FHIP1B: variants seen among roughly 807,000 people sequenced by gnomAD.
FHIP1B encodes the protein FHF complex subunit HOOK interacting protein 1B.
FHIP1B carries 28 observed loss-of-function variants against 82.2 expected under a neutral mutation model. That is an observed-to-expected ratio of 0.34 (90% CI 0.25 to 0.47). The LOEUF (loss-of-function observed/expected upper bound fraction) is 0.47, where lower values mean the gene tolerates loss of function less well. Among genes scored for constraint, FHIP1B ranks in the 20% least tolerant of loss-of-function variants. FHIP1B has a pLI of 1.00. For synonymous variants in FHIP1B, 585 were observed against 516.1 expected, an observed-to-expected ratio of 1.13 and a Z score of -1.81; for missense variants, 1,110 against 1,262.6, an observed-to-expected ratio of 0.88 and a Z score of 1.83.
intron 8 of FHIP1B, 98 bp from the exon 9 acceptor site, chr11:6,218,248 C>T: frequency 2.8e-6 from 4 of 1,448,074 alleles, no homozygotes; most frequent in Non-Finnish European, 3.6e-6. Context: ...AATGGGGAGG[C>T]AGAAACATGG....
Position 6,223,490 on chromosome 11 carries a change from C to T in FHIP1B, c.777+120G>A, listed in dbSNP as rs990538398. 9 of 1,335,192 alleles carry T rather than the reference C, an allele frequency of 6.7e-6. No individual in the cohort carries two copies. Among genetic ancestry groups the T allele is most frequent in the Non-Finnish European group, 7.2e-6 (7 of 973,102 alleles). 82.7% of individuals were successfully genotyped at this position (1,335,192 alleles called of 1,614,324 possible). ...AACTCCAGGGGGCTGCTTTCAAATC[C>T]AGGAACTGTTTCCTAGGGGAACGGG... On this transcript the variant is annotated intron_variant, in intron 3 of 11. Transcript: ENST00000449352. This position sits in a 1 kb window ranked among gnomAD's most constrained non-coding sequence, Gnocchi z 4.8.
chr11:6,216,936 C>T (rs1823222772), intron 9 of FHIP1B: 2 of 617,058 alleles, frequency 3.2e-6, no homozygotes, highest in African/African-American at 1.8e-5. Context: ...AAACCCAAGA[C>T]CCAGACAGAT....
chr11:6,213,491 C>A (rs867546712), intron 11 of FHIP1B, among the ~76,000 whole-genome samples: 1 of 152,196 alleles, frequency 6.6e-6, no homozygotes, highest in Admixed American at 6.5e-5. Context: ...TAGGACCTTG[C>A]TCCTTCTGGT....
In FHIP1B at chr11:6,222,428, G is replaced by C; in HGVS notation, c.1191+14C>G. On this transcript the variant is annotated intron_variant, in intron 6 of 11. Transcript: ENST00000449352. ...GGTCATCCAGGTAAGCTAGGACAGG[G>C]GTAAGGGCCATACCCGGGAGTTACT... 1 of 1,613,274 alleles carries C rather than the reference G, an allele frequency of 6.2e-7. No homozygotes were observed. Among genetic ancestry groups the C allele is most frequent in the Non-Finnish European group, 8.5e-7 (1 of 1,179,910 alleles).
At chr11:6,225,980 A>C (rs539285996) in intron 1 of FHIP1B, among the ~76,000 whole-genome samples, 2 of 152,262 alleles carry the variant, frequency 1.3e-5, no homozygotes, top group East Asian at 3.9e-4. Context: ...TAGCTATTGG[A>C]GAAGGAACCA....
At chr11:6,219,074 G>A (rs764000906) in intron 6 of FHIP1B, 24 bp from the exon 7 acceptor site, 1 of 1,567,716 alleles carries the variant, frequency 6.4e-7, no homozygotes, top group Non-Finnish European at 8.7e-7. Context: ...GGGGAGGGAG[G>A]GAGTCACCAT....
In FHIP1B at chr11:6,217,593, A is replaced by G; in HGVS notation, c.1993T>C (p.Ser665Pro). ...EGAGELLEGISEGMAGLEGFG... is the reference protein window; with the variant it reads ...EGAGELLEGIPEGMAGLEGFG... ...CCCTCTAGTCCTGCCATGCCCTCGG[A>G]GATGCCCTCTAGCAGTTCCCCAGCT... The change falls in exon 9 of 12, where the codon TCC (serine) becomes CCC (proline). Residue 665 changes from serine to proline, a missense_variant. Physicochemically the swap from Ser to Pro is moderately conservative, Grantham distance 74. This residue lies in a region of FHIP1B where 418 missense variants were observed against 371.4 expected (regional missense o/e 1.13). Transcript: ENST00000449352. The G allele has an allele frequency of 6.2e-7, 1 of 1,613,098 alleles. No homozygotes were observed. Among genetic ancestry groups the G allele is most frequent in the Middle Eastern group, 1.7e-4 (1 of 6,060 alleles).
In FHIP1B at chr11:6,223,177, C is replaced by T; in HGVS notation, c.839G>A (p.Gly280Glu). Residue 280 changes from glycine to glutamate, a missense_variant, in exon 4 of 12, where the codon GGG (glycine) becomes GAG (glutamate). Physicochemically the swap from Gly to Glu is moderately conservative, Grantham distance 98 (BLOSUM62 -2). Around this residue, in one of 6 missense-constraint regions of FHIP1B, gnomAD observed 467 missense variants for 602.9 expected, o/e 0.77. Coordinates refer to ENST00000449352, the MANE Select transcript of FHIP1B (RefSeq NM_001098794.2). This position sits in a 1 kb window ranked among gnomAD's most constrained non-coding sequence, Gnocchi z 4.8. Reference protein sequence around the residue: ...SSLPRKIEVPGDDWHCLRRED... With the variant: ...SSLPRKIEVPEDDWHCLRRED... ...CCGTCGCAGACAGTGCCAATCATCC[C>T]CTGGAACCTCAATCTTTCGAGGCAG... 1 of 1,608,810 alleles carries T rather than the reference C, an allele frequency of 6.2e-7. No homozygotes were observed.
rs1242736544 is a variant in FHIP1B, at chr11:6,218,159, G to A, written c.1436-9C>T. On this transcript the variant is annotated splice_polypyrimidine_tract_variant and intron_variant, in intron 8 of 11. Transcript: ENST00000449352. ...ACTTGGGCTTCCAGGACCTGCAAAG[G>A]GAAAAAATATAAGAGAAATCAAGGA... 1.9e-6 allele frequency: 3 copies of A among 1,603,982 alleles called. No homozygotes were observed. The highest frequency in any genetic ancestry group is 2.2e-5 in the East Asian group (1 of 44,558).
At chr11:6,219,861 T>C (rs1847357157) in intron 6 of FHIP1B, among the ~76,000 whole-genome samples, 1 of 152,192 alleles carries the variant, frequency 6.6e-6, no homozygotes, top group Non-Finnish European at 1.5e-5. Context: ...TAGGCATTCA[T>C]TATTTGCTAC....
chr11:6,214,704 A>T, intron 10 of FHIP1B, 29 bp downstream of exon 10: 1 of 1,551,556 alleles, frequency 6.4e-7, no homozygotes, highest in Non-Finnish European at 8.7e-7. Context: ...CGGAGCCTGG[A>T]CGCACCCATG....
intron 10 of FHIP1B, 72 bp from the exon 11 acceptor site, chr11:6,214,645 C>A: frequency 6.4e-7 from 1 of 1,552,618 alleles, no homozygotes; most frequent in Non-Finnish European, 8.7e-7. Context: ...CCCACTGGGC[C>A]TGTTCCCAGC....
chr11:6,227,780 G>A (rs1478313938), intron 1 of FHIP1B, among the ~76,000 whole-genome samples: 2 of 152,130 alleles, frequency 1.3e-5, no homozygotes, highest in Non-Finnish European at 2.9e-5. Context: ...ACGTAGGAAA[G>A]TTAAAAAGGA....
chr11:6,233,144 C>A (rs1847743904), intron 1 of FHIP1B, among the ~76,000 whole-genome samples: 2 of 152,172 alleles, frequency 1.3e-5, no homozygotes, highest in Admixed American at 6.5e-5. Context: ...CAGAAAGAAG[C>A]AATGAGAATA....
rs373672418 is a variant in FHIP1B at position 6,222,838 on chromosome 11, C to A, written c.996G>T (p.Val332=). The change falls in exon 5 of 12, where the codon GTG becomes GTT. Residue 332 remains valine, a synonymous_variant. Transcript: ENST00000449352. ...TGTGCAAGGCAGGACCCATGACAGGCACCAGGAACCCATTATGGATATAAT... is the reference window on the plus strand; with the variant it reads ...TGTGCAAGGCAGGACCCATGACAGGAACCAGGAACCCATTATGGATATAAT... ...LVDYIHNGFL[V]PVMGPALHKT... 1.9e-6 allele frequency: 3 copies of A among 1,614,152 alleles called. No individual in the cohort carries two copies. The East Asian group carries it at 6.7e-5, about 36-fold the overall frequency.
chr11:6,226,902 T>C (rs1309835414), intron 1 of FHIP1B, among the ~76,000 whole-genome samples: 2 of 152,194 alleles, frequency 1.3e-5, no homozygotes, highest in Non-Finnish European at 2.9e-5. Flanking sequence ...CAGTGGACAA[T>C]TTATAAGAAG....
At chr11:6,230,054 G>A (rs539801859) in intron 1 of FHIP1B, among the ~76,000 whole-genome samples, 66 of 150,640 alleles carry the variant, frequency 4.4e-4, no homozygotes, top group African/African-American at 1.6e-3. Context: ...AAAGGGGAAC[G>A]AGCTGATCTC....
intron 9 of FHIP1B, among the ~76,000 whole-genome samples, chr11:6,215,638 T>C (rs1036193386): frequency 4.6e-5 from 7 of 152,158 alleles, no homozygotes; most frequent in East Asian, 1.9e-4. Context: ...ACAGAATATG[T>C]AGTAAAAGGA....
chr11:6,224,949 T>C (rs183903757), intron 1 of FHIP1B, among the ~76,000 whole-genome samples: 131 of 152,318 alleles, frequency 8.6e-4, no homozygotes, highest in African/African-American at 2.8e-3. Context: ...TGAAAATGTG[T>C]ACATTATCCT....
Sources: allele counts gnomAD v4.1 joint callset (sites outside exome capture counted in the v4.1 genomes callset), GRCh38; gene constraint gnomAD v4.1.1; regional missense constraint gnomAD v4.1.1; non-coding constraint Gnocchi (gnomAD v3.1); transcripts MANE v1.5; gene names NCBI Gene and HGNC (gene_info 2026-07-23, HGNC 2026-07-21).